SBF2: variants seen among roughly 807,000 people sequenced by gnomAD.
The protein encoded by SBF2 is myotubularin-related protein 13.
Under a neutral mutation model 225.2 loss-of-function variants are expected in SBF2, and 112 were observed. The ratio of observed to expected loss-of-function variants is 0.50; its 90% CI spans 0.43 to 0.58. The LOEUF (loss-of-function observed/expected upper bound fraction) is 0.58. Ranked by LOEUF, SBF2 falls within the 20% of genes least tolerant of loss-of-function variation. SBF2 has a pLI of 0.00. For missense variants in SBF2, 1,996 were observed against 2,206.2 expected (o/e 0.90, Z 1.91); for synonymous variants, 763 against 773.3 (o/e 0.99, Z 0.22).
In SBF2 at chr11:9,832,244, G is replaced by C. The variant is rs1356162033; in HGVS notation, c.3632C>G (p.Ser1211Cys). The C allele has an allele frequency of 5.0e-6, 8 of 1,592,440 alleles. No homozygotes were observed. Among genetic ancestry groups the C allele is most frequent in the East Asian group, 2.3e-5 (1 of 43,464 alleles). ...HGKGVVGLFKSQNSPQAAPTS... is the reference protein window; with the variant it reads ...HGKGVVGLFKCQNSPQAAPTS... The stretch of plus-strand genomic sequence containing the variant: ...CTTACCGGCCTGAGGGGAGTTCTGA[G>C]ATTTGAAAAGACCAACGACTCCCTT... Residue 1211 changes from serine to cysteine, a missense_variant, in exon 27 of 40, where the codon TCT (serine) becomes TGT (cysteine). Coordinates refer to ENST00000256190, the MANE Select transcript of SBF2 (RefSeq NM_030962.4).
At chr11:10,068,732 C>T (rs12420734) in intron 2 of SBF2, among the ~76,000 whole-genome samples, 30,868 of 152,046 alleles carry the variant, frequency 0.2, 3,943 homozygotes, top group Non-Finnish European at 0.29. Flanking sequence ...ACTCAGCCCC[C>T]GTCACCCCTT....
At chr11:9,989,069 T>C (rs933560749) in intron 13 of SBF2, among the ~76,000 whole-genome samples, 10 of 151,450 alleles carry the variant, frequency 6.6e-5, no homozygotes, top group African/African-American at 2.4e-4. Context: ...TATGCATACA[T>C]ACACATACAC....
At chr11:10,158,334 G>C (rs1323301165) in intron 2 of SBF2, among the ~76,000 whole-genome samples, 7 of 151,502 alleles carry the variant, frequency 4.6e-5, no homozygotes, top group African/African-American at 1.7e-4. Context: ...ATAAAGATTA[G>C]AGTAGAAATA....
intron 6 of SBF2, among the ~76,000 whole-genome samples, chr11:10,010,219 T>C (rs1326077120): frequency 6.6e-6 from 1 of 152,230 alleles, no homozygotes; most frequent in Non-Finnish European, 1.5e-5. Flanking sequence ...ATAGTTTCTT[T>C]TGCTGTGAAG....
At chr11:10,033,436 G>A (rs979854656) in intron 3 of SBF2, among the ~76,000 whole-genome samples, 5 of 152,028 alleles carry the variant, frequency 3.3e-5, no homozygotes, top group Non-Finnish European at 5.9e-5. Context: ...AGTTATTAAC[G>A]AGAAAGAAAA....
intron 1 of SBF2, among the ~76,000 whole-genome samples, chr11:10,230,537 C>T (rs959635063): frequency 7.2e-5 from 11 of 152,302 alleles, no homozygotes; most frequent in African/African-American, 1.4e-4. Context: ...ATTTGCTTGT[C>T]TGTAAAGGAT....
chr11:10,295,176 G>C (rs1964455865), upstream of SBF2, among the ~76,000 whole-genome samples: 1 of 152,172 alleles, frequency 6.6e-6, no homozygotes, highest in Non-Finnish European at 1.5e-5. Flanking sequence ...TTGTCTTTGT[G>C]GTTGCTTATC....
intron 1 of SBF2, among the ~76,000 whole-genome samples, chr11:10,244,373 T>G (rs1184270609): frequency 6.6e-6 from 1 of 152,240 alleles, no homozygotes; most frequent in African/African-American, 2.4e-5. Flanking sequence ...GTGAACAGAC[T>G]GTTCTTTCCT....
intron 16 of SBF2, among the ~76,000 whole-genome samples, chr11:9,918,895 C>T (rs7937240): frequency 0.71 from 107,163 of 151,810 alleles, 38,462 homozygotes; most frequent in African/African-American, 0.76. Flanking sequence ...CCTGCCACCA[C>T]GCCCGGCTAA....
chr11:9,993,211 A>G lies in SBF2; in HGVS notation c.1054-108T>C, dbSNP rs932493108. The G allele has an allele frequency of 3.9e-6, 3 of 763,442 alleles. No homozygotes were observed. In the African/African-American group the frequency reaches 5.2e-5, roughly 13 times the overall value. The allele number at this position is 763,442 out of a possible 1,614,324, so 47.3% of individuals were successfully genotyped here. A position where few individuals can be genotyped will look rare whatever the true frequency, so the allele number is the denominator to read the frequency against. On this transcript the variant is annotated intron_variant, in intron 10 of 39. Transcript: ENST00000256190. ...ATATTCCAAGTCCTTTGATTTTTAT[A>G]TCCACCAAAACAATTACAGTCACAA...
Position 10,031,077 on chromosome 11 carries a change from A to T in SBF2, c.373T>A (p.Ser125Thr). 5 of 1,613,240 alleles carry T rather than the reference A, an allele frequency of 3.1e-6. No homozygotes were observed. Among genetic ancestry groups the T allele is most frequent in the Non-Finnish European group, 4.2e-6 (5 of 1,179,380 alleles). The change falls in exon 4 of 40, where the codon TCC becomes ACC. Residue 125 changes from serine (S) to threonine (T), a missense_variant. By Grantham distance (58) the Ser-to-Thr change is moderately conservative (BLOSUM62 1). Coordinates refer to ENST00000256190, the MANE Select transcript of SBF2 (RefSeq NM_030962.4). ...VFAPKSLVLV[S>T]RLYYPEIFRA... ...AAAATTTCTGGATAATATAATCTGGATACCAACACCAGGCTTTTGGGAGCA... is the reference window on the plus strand; with the variant it reads ...AAAATTTCTGGATAATATAATCTGGTTACCAACACCAGGCTTTTGGGAGCA...
chr11:10,000,287 C>T (rs530430489), intron 8 of SBF2, among the ~76,000 whole-genome samples: 90 of 152,286 alleles, frequency 5.9e-4, no homozygotes, highest in Middle Eastern at 3.4e-3. Context: ...GAGAAAATTT[C>T]CTTAGGCCCT....
rs149873115 is a variant in SBF2, at chr11:9,855,608, T to C, written c.2363+850A>G. 3.3e-5 allele frequency among the ~76,000 whole-genome samples: 5 copies of C among 152,332 alleles called. No homozygotes were observed. In the East Asian group the frequency reaches 9.6e-4, roughly 29 times the overall value. On this transcript the variant is annotated intron_variant, in intron 19 of 39. Transcript: ENST00000256190. ...GTTCAACCAAATATTTATTGAGTAC[T>C]ATATGCAAAGACACTAGGAATACAG... is the stretch of plus-strand genomic sequence containing the variant.
chr11:9,897,963 G>T (rs1477894564), intron 16 of SBF2, among the ~76,000 whole-genome samples: 1 of 152,104 alleles, frequency 6.6e-6, no homozygotes, highest in East Asian at 1.9e-4. Flanking sequence ...ACTAATTTTA[G>T]AGTGTGAGGG....
chr11:10,064,969 T>C (rs1157833113), intron 2 of SBF2, among the ~76,000 whole-genome samples: 2 of 152,192 alleles, frequency 1.3e-5, no homozygotes, highest in Non-Finnish European at 2.9e-5. Context: ...CAGCAGAATA[T>C]GCATTCTTCT....
chr11:10,093,324 T>A (rs1951861285), intron 2 of SBF2, among the ~76,000 whole-genome samples: 1 of 150,768 alleles, frequency 6.6e-6, no homozygotes, highest in Admixed American at 6.6e-5. Flanking sequence ...CTACAATTCA[T>A]AATTTTAGAT....
chr11:10,050,946 T>G (rs1299594895), intron 2 of SBF2, among the ~76,000 whole-genome samples: 1 of 152,058 alleles, frequency 6.6e-6, no homozygotes, highest in African/African-American at 2.4e-5. Context: ...AAACCATGGG[T>G]AAGGGGGAAA....
chr11:10,114,728 T>C (rs949823208), intron 2 of SBF2, among the ~76,000 whole-genome samples: 3 of 152,262 alleles, frequency 2.0e-5, no homozygotes, highest in Non-Finnish European at 4.4e-5. Flanking sequence ...TATGATCCCA[T>C]TGTCCTTTTT....
chr11:9,948,529 T>C (rs1865688782), intron 16 of SBF2, among the ~76,000 whole-genome samples: 1 of 152,218 alleles, frequency 6.6e-6, no homozygotes, highest in Non-Finnish European at 1.5e-5. Context: ...CTTCTTATAT[T>C]TTCCTTGCCC....
Sources: allele counts gnomAD v4.1 joint callset (sites outside exome capture counted in the v4.1 genomes callset), GRCh38; gene constraint gnomAD v4.1.1; transcripts MANE v1.5; gene names NCBI Gene and HGNC (gene_info 2026-07-23, HGNC 2026-07-21).